CLSTN2: variants seen among roughly 807,000 people sequenced by gnomAD.
CLSTN2 encodes the protein calsyntenin-2.
Under a neutral mutation model 101.2 loss-of-function variants are expected in CLSTN2, and 48 were observed. That is an observed-to-expected ratio of 0.47 (90% CI 0.38 to 0.60). The LOEUF is 0.60. Ranked by LOEUF, CLSTN2 falls within the 20% of genes least tolerant of loss-of-function variation. The probability of loss-of-function intolerance (pLI) is 0.00; values close to 1 mark genes in which losing one functional copy is unlikely to be tolerated. For missense variants in CLSTN2, 1,160 were observed against 1,238.2 expected (o/e 0.94, Z 0.95); for synonymous variants, 481 against 463.6 (o/e 1.04, Z -0.48).
intron 2 of CLSTN2, among the ~76,000 whole-genome samples, chr3:140,330,086 C>T (rs2087367921): frequency 6.6e-6 from 1 of 152,206 alleles, no homozygotes. Flanking sequence ...CTTCAAGCAA[C>T]AGCTTTGGCT....
At chr3:140,357,211 T>C (rs2087680360) in intron 2 of CLSTN2, among the ~76,000 whole-genome samples, 1 of 152,212 alleles carries the variant, frequency 6.6e-6, no homozygotes, top group Non-Finnish European at 1.5e-5. Flanking sequence ...CAGATTTTCA[T>C]TTTTCTTAAA....
At chr3:140,253,615 C>A (rs544835727) in intron 2 of CLSTN2, among the ~76,000 whole-genome samples, 4 of 152,170 alleles carry the variant, frequency 2.6e-5, no homozygotes, top group African/African-American at 9.6e-5. Context: ...GAAAACACAG[C>A]CAGAAAGGTA....
chr3:140,321,481 C>T (rs898365468), intron 2 of CLSTN2, among the ~76,000 whole-genome samples: 1 of 152,180 alleles, frequency 6.6e-6, no homozygotes, highest in African/African-American at 2.4e-5. Flanking sequence ...TCCCTACACC[C>T]TCAGGTGTGG....
intron 1 of CLSTN2, among the ~76,000 whole-genome samples, chr3:140,017,478 G>A (rs1455053426): frequency 1.3e-5 from 2 of 152,220 alleles, no homozygotes; most frequent in East Asian, 3.9e-4. Flanking sequence ...CCTTCCATGA[G>A]CATTGACTAT....
At chr3:140,525,732 T>G (rs1559894429) in intron 8 of CLSTN2, among the ~76,000 whole-genome samples, 1 of 152,102 alleles carries the variant, frequency 6.6e-6, no homozygotes, top group Non-Finnish European at 1.5e-5. Flanking sequence ...AGTCGCCACA[T>G]TCAAGAAGGT....
intron 2 of CLSTN2, among the ~76,000 whole-genome samples, chr3:140,392,506 GT>G (rs1221857391): frequency 6.6e-6 from 1 of 151,986 alleles, no homozygotes; most frequent in Non-Finnish European, 1.5e-5. Context: ...AAGTTTTCCA[GT>G]AACTAAATTG....
intron 1 of CLSTN2, among the ~76,000 whole-genome samples, chr3:140,160,347 A>G (rs2010025852): frequency 1.3e-5 from 2 of 152,136 alleles, no homozygotes; most frequent in African/African-American, 4.8e-5. Context: ...AATTAATTGC[A>G]TTTATCATGC....
intron 2 of CLSTN2, among the ~76,000 whole-genome samples, chr3:140,211,840 G>C (rs1396562711): frequency 6.6e-6 from 1 of 152,078 alleles, no homozygotes; most frequent in Non-Finnish European, 1.5e-5. Context: ...AGGAAAGAAA[G>C]AAACGGATGC....
chr3:140,366,705 C>G (rs2087794612), intron 2 of CLSTN2, among the ~76,000 whole-genome samples: 1 of 152,222 alleles, frequency 6.6e-6, no homozygotes, highest in African/African-American at 2.4e-5. Flanking sequence ...CCACAAAACC[C>G]TTCAACTGAG....
intron 2 of CLSTN2, among the ~76,000 whole-genome samples, chr3:140,298,370 G>C (rs370929556): frequency 1.3e-5 from 2 of 152,332 alleles, no homozygotes; most frequent in African/African-American, 4.8e-5. Flanking sequence ...CTAGAATATA[G>C]TGTCCATTAG....
intron 1 of CLSTN2, among the ~76,000 whole-genome samples, chr3:139,963,490 C>T (rs1042135371): frequency 6.6e-6 from 1 of 152,114 alleles, no homozygotes; most frequent in Non-Finnish European, 1.5e-5. Context: ...ATAGCTCACA[C>T]ATGACCCACC....
chr3:139,985,331 A>G (rs77979748), intron 1 of CLSTN2, among the ~76,000 whole-genome samples: 7,425 of 152,258 alleles, frequency 0.049, 203 homozygotes, highest in African/African-American at 0.066. Flanking sequence ...CCATTTCTGT[A>G]TAAGTAAGGA....
chr3:140,189,046 T>C (rs2010523207), intron 2 of CLSTN2, among the ~76,000 whole-genome samples: 1 of 152,198 alleles, frequency 6.6e-6, no homozygotes, highest in South Asian at 2.1e-4. Context: ...TAGAATTGGC[T>C]TTTTTTCTCT....
chr3:140,558,881 G>C, intron 12 of CLSTN2, 24 bp downstream of exon 12: 2 of 1,602,072 alleles, frequency 1.2e-6, no homozygotes, highest in Non-Finnish European at 1.7e-6. Context: ...TGAGTTTGTG[G>C]GGAGGGTGGA....
In CLSTN2 at chr3:140,074,306, C is replaced by A. The variant is rs530349214; in HGVS notation, c.110-101645C>A. On this transcript the variant is annotated intron_variant, in intron 1 of 16. Coordinates refer to ENST00000458420, the MANE Select transcript of CLSTN2 (RefSeq NM_022131.3). Reference sequence around the variant, plus strand: ...CACCTTGCCTCCCCCCACCCCCCAACAGTGGATGGACAGAGGGCCCGGTTT... The same window carrying A: ...CACCTTGCCTCCCCCCACCCCCCAAAAGTGGATGGACAGAGGGCCCGGTTT... Among the ~76,000 whole-genome samples the A allele has an allele frequency of 4.6e-5, 7 of 152,264 alleles. No homozygotes were observed. The East Asian group carries it at 9.7e-4, about 21-fold the overall frequency.
chr3:140,196,061 T>C (rs1048003019), intron 2 of CLSTN2, among the ~76,000 whole-genome samples: 10 of 152,206 alleles, frequency 6.6e-5, no homozygotes, highest in Non-Finnish European at 1.2e-4. Flanking sequence ...GGCATCTTCC[T>C]GATGGTTAGT....
intron 1 of CLSTN2, among the ~76,000 whole-genome samples, chr3:140,041,950 G>A (rs1163685982): frequency 2.6e-5 from 4 of 152,170 alleles, no homozygotes; most frequent in Non-Finnish European, 2.9e-5. Flanking sequence ...CTACATGCCA[G>A]CCCTAGTCTT....
intron 1 of CLSTN2, among the ~76,000 whole-genome samples, chr3:139,994,699 C>T (rs113855485): frequency 1.2e-4 from 19 of 152,156 alleles, no homozygotes; most frequent in African/African-American, 4.1e-4. Context: ...TTGCATGACA[C>T]GTCCTTCCCC....
chr3:139,985,555 G>A lies in CLSTN2; in HGVS notation c.109+50072G>A, dbSNP rs967498639. Among the ~76,000 whole-genome samples the A allele has an allele frequency of 1.3e-4, 20 of 152,230 alleles. 1 individual carries two copies. The highest frequency in any genetic ancestry group is 1.2e-3 in the East Asian group (6 of 5,182). ...ACATTGTTTGCAGAATTCTGTGTGC[G>A]TGTATGATTGTGTATTTATGTTCCC... On this transcript the variant is annotated intron_variant, in intron 1 of 16. Coordinates refer to ENST00000458420, the MANE Select transcript of CLSTN2 (RefSeq NM_022131.3).
Sources: gnomAD v4.1 joint callset for allele counts (sites outside exome capture counted in the v4.1 genomes callset) on GRCh38, gnomAD v4.1.1 for gene constraint, MANE v1.5 for transcripts, NCBI Gene and HGNC (gene_info 2026-07-23, HGNC 2026-07-21) for gene names.